Variants in PCCA observed in about 807,000 individuals in gnomAD.
The protein encoded by PCCA is propionyl-CoA carboxylase alpha chain, mitochondrial.
A neutral mutation model predicts 101.3 loss-of-function variants in PCCA; 74 were observed. That is an observed-to-expected ratio of 0.73 (90% CI 0.61 to 0.89). The LOEUF is 0.89. Among genes scored for constraint, PCCA ranks in the 40% least tolerant of loss-of-function variants. PCCA has a pLI of 0.00. For missense variants in PCCA, 891 were observed against 907.0 expected (o/e 0.98, Z 0.23); for synonymous variants, 294 against 313.6 (o/e 0.94, Z 0.66).
intron 2 of PCCA, among the ~76,000 whole-genome samples, chr13:100,105,707 T>G (rs1594106260): frequency 7.0e-6 from 1 of 142,602 alleles, no homozygotes; most frequent in East Asian, 2.0e-4. Context: ...CTGGGTGTGG[T>G]GGCGTGCACC....
chr13:100,134,288 A>G (rs2050878345), intron 4 of PCCA, among the ~76,000 whole-genome samples: 1 of 152,160 alleles, frequency 6.6e-6, no homozygotes, highest in South Asian at 2.1e-4. Flanking sequence ...CCTTGTCAGT[A>G]CTACATAGTG....
At chr13:100,436,997 GT>G (rs1161228135) in intron 20 of PCCA, among the ~76,000 whole-genome samples, 7 of 152,212 alleles carry the variant, frequency 4.6e-5, no homozygotes, top group Non-Finnish European at 1.0e-4. Flanking sequence ...ACCAAGCATG[GT>G]TCTTTCCTGT....
intron 19 of PCCA, among the ~76,000 whole-genome samples, chr13:100,387,116 G>A (rs764325508): frequency 1.3e-5 from 2 of 152,152 alleles, no homozygotes; most frequent in Non-Finnish European, 2.9e-5. Flanking sequence ...TACACAAAAC[G>A]CAATCACTGA....
intron 18 of PCCA, among the ~76,000 whole-genome samples, chr13:100,365,499 C>T (rs2075075816): frequency 6.6e-6 from 1 of 152,156 alleles, no homozygotes; most frequent in Admixed American, 6.5e-5. Context: ...AAGAAATTCT[C>T]AATCCCTACT....
chr13:100,458,495 T>C (rs1319072405), intron 21 of PCCA, among the ~76,000 whole-genome samples: 1 of 144,284 alleles, frequency 6.9e-6, no homozygotes, highest in African/African-American at 2.6e-5. Context: ...ACTAGCGGAG[T>C]ATGGTGACGC....
At chr13:100,486,965 C>T (rs1285896763) in intron 21 of PCCA, among the ~76,000 whole-genome samples, 1 of 152,140 alleles carries the variant, frequency 6.6e-6, no homozygotes, top group Non-Finnish European at 1.5e-5. Flanking sequence ...TAATCCAGGA[C>T]TAGTAATAGT....
At chr13:100,098,516 G>A (rs1479525478) in intron 1 of PCCA, among the ~76,000 whole-genome samples, 7 of 152,146 alleles carry the variant, frequency 4.6e-5, no homozygotes, top group Non-Finnish European at 1.0e-4. Context: ...GGCAGGGTCG[G>A]GGGAGCTCTC....
At chr13:100,199,039 A>G (rs576248958) in intron 6 of PCCA, among the ~76,000 whole-genome samples, 2 of 151,894 alleles carry the variant, frequency 1.3e-5, no homozygotes, top group Admixed American at 1.3e-4. Context: ...TTTCACTCCT[A>G]TAAGTTGGTG....
At chr13:100,266,209 C>T (rs766018783) in intron 10 of PCCA, among the ~76,000 whole-genome samples, 6 of 152,114 alleles carry the variant, frequency 3.9e-5, no homozygotes, top group Non-Finnish European at 7.4e-5. Context: ...CCATGAGGTC[C>T]TTAAGGGTAG....
At chr13:100,463,033 G>A (rs528723364) in intron 21 of PCCA, among the ~76,000 whole-genome samples, 21 of 152,312 alleles carry the variant, frequency 1.4e-4, no homozygotes, top group African/African-American at 4.6e-4. Context: ...CAGTGAGCCT[G>A]GAGATAGCAG....
In PCCA at chr13:100,468,500, C is replaced by T. The variant is rs80297388; in HGVS notation, c.1899+19195C>T. The stretch of plus-strand genomic sequence containing the variant: ...TCGGTGATCTTAACTAGACCTTCTG[C>T]GTGACTTACTGCAGCTTCTTCATCA... On this transcript the variant is annotated intron_variant, in intron 21 of 23. Transcript: ENST00000376285. Among the ~76,000 whole-genome samples, 943 of 152,318 alleles carry T rather than the reference C, an allele frequency of 6.2e-3. 15 individuals carry two copies. Among genetic ancestry groups the T allele is most frequent in the African/African-American group, 0.014 (592 of 41,566 alleles).
chr13:100,365,934 A>G (rs773537008), intron 18 of PCCA, among the ~76,000 whole-genome samples: 8 of 152,320 alleles, frequency 5.3e-5, no homozygotes, highest in Non-Finnish European at 1.0e-4. Context: ...TCTCTGCCTC[A>G]TGGTAGCTTG....
At chr13:100,476,641 A>G (rs914970499) in intron 21 of PCCA, among the ~76,000 whole-genome samples, 1 of 152,248 alleles carries the variant, frequency 6.6e-6, no homozygotes, top group African/African-American at 2.4e-5. Flanking sequence ...GTGGTGGACA[A>G]CATTCCAGGT....
At chr13:100,209,510 AT>A (rs757324982) in intron 7 of PCCA, 47 bp downstream of exon 7, 13 of 1,533,888 alleles carry the variant, frequency 8.5e-6, no homozygotes, top group Non-Finnish European at 1.2e-5. Context: ...CAAGTTAAAC[AT>A]TTTGTCAAAA....
chr13:100,521,706 T>C (rs1309774919), intron 22 of PCCA, among the ~76,000 whole-genome samples: 2 of 152,208 alleles, frequency 1.3e-5, no homozygotes, highest in Non-Finnish European at 2.9e-5. Context: ...ACTGAACCTT[T>C]CTTCAGATCT....
chr13:100,187,596 A>G (rs1401482613), intron 6 of PCCA, among the ~76,000 whole-genome samples: 1 of 152,206 alleles, frequency 6.6e-6, no homozygotes, highest in African/African-American at 2.4e-5. Context: ...GTGTTTTTAT[A>G]GCTATATCTT....
intron 20 of PCCA, among the ~76,000 whole-genome samples, chr13:100,430,284 C>CA (rs1301863505): frequency 6.6e-6 from 1 of 152,066 alleles, no homozygotes; most frequent in African/African-American, 2.4e-5. Flanking sequence ...AACAAACAAA[C>CA]AAAAAACCAA....
intron 4 of PCCA, among the ~76,000 whole-genome samples, chr13:100,130,048 A>G (rs937876655): frequency 3.9e-5 from 6 of 152,232 alleles, no homozygotes; most frequent in Non-Finnish European, 2.9e-5. Context: ...TCACTGTGCC[A>G]TCCTTTTTTT....
At chr13:100,200,771 A>T (rs892673626) in intron 6 of PCCA, among the ~76,000 whole-genome samples, 1 of 151,690 alleles carries the variant, frequency 6.6e-6, no homozygotes, top group Non-Finnish European at 1.5e-5. Flanking sequence ...CTGTATTAAT[A>T]AAATGCACAT....
Sources: gnomAD v4.1 joint callset for allele counts (sites outside exome capture counted in the v4.1 genomes callset) on GRCh38, gnomAD v4.1.1 for gene constraint, MANE v1.5 for transcripts, NCBI Gene and HGNC (gene_info 2026-07-23, HGNC 2026-07-21) for gene names.